MTFR1: variants seen among roughly 807,000 people sequenced by gnomAD.
MTFR1 encodes chondrocyte protein with a poly-proline region.
In MTFR1, 28 loss-of-function variants were observed where a neutral mutation model predicts 38.8. That is an observed-to-expected ratio of 0.72 (90% CI 0.53 to 0.99). The LOEUF is 0.99. Among genes scored for constraint, MTFR1 ranks in the 50% least tolerant of loss-of-function variants. The pLI, the probability that MTFR1 is intolerant of heterozygous loss-of-function variation, is 0.00. For synonymous variants in MTFR1, 145 were observed against 137.0 expected, an observed-to-expected ratio of 1.06 and a Z score of -0.41; for missense variants, 358 against 395.5, an observed-to-expected ratio of 0.91 and a Z score of 0.81.
At chr8:65,755,398 G>A (rs1808179137) in intron 3 of MTFR1, among the ~76,000 whole-genome samples, 1 of 151,980 alleles carries the variant, frequency 6.6e-6, no homozygotes. Context: ...CTCCTTTCCT[G>A]TTTTGTGTAT....
At chr8:65,759,744 A>G (rs1808404020) in intron 3 of MTFR1, among the ~76,000 whole-genome samples, 1 of 152,100 alleles carries the variant, frequency 6.6e-6, no homozygotes, top group Admixed American at 6.5e-5. Flanking sequence ...TTCTGGAATG[A>G]GACATCCCAA....
At chr8:65,760,128 T>C (rs940241094) in intron 3 of MTFR1, among the ~76,000 whole-genome samples, 2 of 151,630 alleles carry the variant, frequency 1.3e-5, no homozygotes, top group African/African-American at 4.9e-5. Context: ...TAATACCAGC[T>C]ACTTGAGAGG....
chr8:65,683,952 T>C (rs1375534885), intron 3 of MTFR1, among the ~76,000 whole-genome samples: 3 of 152,256 alleles, frequency 2.0e-5, no homozygotes, highest in Non-Finnish European at 4.4e-5. Context: ...AAATAGCTAT[T>C]ATGTTAACTA....
At chr8:65,724,686 A>G (rs917362206) in intron 3 of MTFR1, 13 of 1,133,684 alleles carry the variant, frequency 1.1e-5, no homozygotes, top group African/African-American at 1.6e-5. Context: ...AGATTTAACC[A>G]TTCTGAAAAA....
chr8:65,645,357 C>T (rs1808925721), intron 1 of MTFR1, among the ~76,000 whole-genome samples: 1 of 152,236 alleles, frequency 6.6e-6, no homozygotes, highest in South Asian at 2.1e-4. Flanking sequence ...CTGACCATGA[C>T]CAGGGTTTGC....
chr8:65,700,137 C>A (rs1166128695), intron 4 of MTFR1, among the ~76,000 whole-genome samples: 1 of 151,454 alleles, frequency 6.6e-6, no homozygotes, highest in Admixed American at 6.6e-5. Flanking sequence ...GGTTGCTTGA[C>A]CCCAGGAGTT....
chr8:65,714,562 T>A (rs567031982), downstream of MTFR1: 1 of 152,296 alleles, frequency 6.6e-6, no homozygotes, highest in East Asian at 1.9e-4. Context: ...TATTACTCCG[T>A]GTTTCAAATG....
intron 3 of MTFR1, among the ~76,000 whole-genome samples, chr8:65,692,130 T>C (rs935916278): frequency 6.6e-6 from 1 of 152,202 alleles, no homozygotes; most frequent in Non-Finnish European, 1.5e-5. Context: ...CCTTTTCATT[T>C]TTTCCTTAAT....
intron 2 of MTFR1, among the ~76,000 whole-genome samples, chr8:65,673,309 C>T (rs1446997498): frequency 6.6e-6 from 1 of 151,902 alleles, no homozygotes; most frequent in Non-Finnish European, 1.5e-5. Flanking sequence ...CTTACATGTG[C>T]TTGGTTCATG....
intron 3 of MTFR1, among the ~76,000 whole-genome samples, chr8:65,692,108 G>C (rs956089042): frequency 1.1e-4 from 17 of 152,134 alleles, no homozygotes; most frequent in African/African-American, 4.1e-4. Context: ...ATTAATGACT[G>C]AATCTCTTTG....
intron 3 of MTFR1, among the ~76,000 whole-genome samples, chr8:65,730,670 G>A (rs118041909): frequency 0.04 from 6,083 of 151,994 alleles, 178 homozygotes; most frequent in Non-Finnish European, 0.061. Flanking sequence ...GCTCATGCCT[G>A]TAATTCCAGC....
intron 1 of MTFR1, among the ~76,000 whole-genome samples, chr8:65,662,284 G>C (rs1201353734): frequency 6.6e-6 from 1 of 152,072 alleles, no homozygotes; most frequent in Non-Finnish European, 1.5e-5. Flanking sequence ...TTTTTTGGTG[G>C]AGACGGGATT....
At chr8:65,724,907 G>A (rs1230288722) in intron 3 of MTFR1, 11 of 1,595,458 alleles carry the variant, frequency 6.9e-6, no homozygotes, top group Non-Finnish European at 9.4e-6. Flanking sequence ...ACCTATCTGT[G>A]TCTCCATTTG....
downstream of MTFR1, among the ~76,000 whole-genome samples, chr8:65,712,149 C>A (rs950722221): frequency 6.6e-6 from 1 of 152,308 alleles, no homozygotes; most frequent in Non-Finnish European, 1.5e-5. Flanking sequence ...TGAAAGAAAG[C>A]GTATTCCCCA....
chr8:65,750,997 G>A (rs1807924808), intron 3 of MTFR1, among the ~76,000 whole-genome samples: 1 of 152,108 alleles, frequency 6.6e-6, no homozygotes, highest in African/African-American at 2.4e-5. Context: ...GATAAGAAAT[G>A]GACCTTCACT....
At chr8:65,687,713 T>C (rs1384395645) in intron 3 of MTFR1, among the ~76,000 whole-genome samples, 1 of 152,098 alleles carries the variant, frequency 6.6e-6, no homozygotes, top group Non-Finnish European at 1.5e-5. Flanking sequence ...GAATATTGAA[T>C]TTAGTGTTCT....
chr8:65,678,027 A>G (rs1413694032), intron 2 of MTFR1, among the ~76,000 whole-genome samples: 3 of 151,946 alleles, frequency 2.0e-5, no homozygotes, highest in African/African-American at 7.2e-5. Flanking sequence ...AAAAAAAAAA[A>G]AAAAGAAATT....
intron 1 of MTFR1, among the ~76,000 whole-genome samples, chr8:65,668,477 C>T (rs117521559): frequency 0.018 from 2,741 of 150,486 alleles, 26 homozygotes; most frequent in African/African-American, 0.025. Flanking sequence ...CATGAGCCAC[C>T]GCACCCAGCC....
chr8:65,683,026 AAGGTCTT>A, intron 3 of MTFR1: 2 of 655,378 alleles, frequency 3.1e-6, no homozygotes, highest in Non-Finnish European at 3.8e-6. Flanking sequence ...AGAACTTTTG[AAGGTCTT>A]AGTACAGTAT....
Sources: gnomAD v4.1 joint callset for allele counts (sites outside exome capture counted in the v4.1 genomes callset) on GRCh38, gnomAD v4.1.1 for gene constraint, MANE v1.5 for transcripts, NCBI Gene and HGNC (gene_info 2026-07-23, HGNC 2026-07-21) for gene names.